CNTNAP2: variants seen among roughly 807,000 people sequenced by gnomAD.
CNTNAP2 encodes the protein contactin associated protein 2.
CNTNAP2 carries 98 observed loss-of-function variants against 155.2 expected under a neutral mutation model. That is an observed-to-expected ratio of 0.63 (90% confidence interval 0.54 to 0.75). CNTNAP2 has a LOEUF of 0.75. Among genes scored for constraint, CNTNAP2 ranks in the 30% least tolerant of loss-of-function variants. The pLI is 0.00. For synonymous variants in CNTNAP2, 651 were observed against 631.2 expected (o/e 1.03, Z -0.47); for missense variants, 1,727 against 1,688.1 (o/e 1.02, Z -0.40).
At chr7:147,185,697 A>T (rs1802550183) in intron 8 of CNTNAP2, among the ~76,000 whole-genome samples, 1 of 152,178 alleles carries the variant, frequency 6.6e-6, no homozygotes, top group Non-Finnish European at 1.5e-5. Flanking sequence ...AATGAGTATA[A>T]AACAAAACAC....
chr7:146,910,341 C>T (rs1428927750), intron 3 of CNTNAP2, among the ~76,000 whole-genome samples: 14 of 150,058 alleles, frequency 9.3e-5, no homozygotes, highest in African/African-American at 1.3e-4. Flanking sequence ...GAGCCCGCAT[C>T]GCCAAGTCAA....
chr7:147,382,447 A>G (rs1436344466), intron 9 of CNTNAP2, among the ~76,000 whole-genome samples: 1 of 152,206 alleles, frequency 6.6e-6, no homozygotes, highest in East Asian at 1.9e-4. Flanking sequence ...CTCTTGATTG[A>G]TTAATATGCA....
intron 1 of CNTNAP2, chr7:146,117,253 G>A (rs1797498567): frequency 2.2e-6 from 1 of 452,808 alleles, no homozygotes; most frequent in Admixed American, 3.4e-5. Context: ...GATGTAGATG[G>A]CAGCTTCTTA....
chr7:147,064,952 A>G (rs1799750999), intron 4 of CNTNAP2, among the ~76,000 whole-genome samples: 1 of 152,178 alleles, frequency 6.6e-6, no homozygotes, highest in South Asian at 2.1e-4. Flanking sequence ...TAACCTGTCC[A>G]AATGAAAAAT....
At chr7:147,666,817 T>C (rs1450351046) in intron 13 of CNTNAP2, among the ~76,000 whole-genome samples, 3 of 152,212 alleles carry the variant, frequency 2.0e-5, no homozygotes, top group Admixed American at 6.5e-5. Context: ...GGAAAATCAG[T>C]AATGGTTATT....
chr7:148,133,101 C>T (rs1804866769), intron 16 of CNTNAP2, among the ~76,000 whole-genome samples: 1 of 152,022 alleles, frequency 6.6e-6, no homozygotes, highest in Non-Finnish European at 1.5e-5. Context: ...ATGTAATCTT[C>T]TTTAAAAATA....
intron 13 of CNTNAP2, among the ~76,000 whole-genome samples, chr7:147,697,939 C>T (rs1796186527): frequency 6.6e-6 from 1 of 152,176 alleles, no homozygotes; most frequent in South Asian, 2.1e-4. Flanking sequence ...TGAGGACCCC[C>T]TATGACTGAG....
intron 1 of CNTNAP2, among the ~76,000 whole-genome samples, chr7:146,388,623 G>C (rs1167288988): frequency 1.3e-5 from 2 of 152,042 alleles, no homozygotes; most frequent in Admixed American, 6.6e-5. Flanking sequence ...ATCACACTCT[G>C]TAAGTTATTT....
At chr7:146,911,974 TAA>T (rs1398807328) in intron 3 of CNTNAP2, among the ~76,000 whole-genome samples, 1 of 152,152 alleles carries the variant, frequency 6.6e-6, no homozygotes, top group Non-Finnish European at 1.5e-5. Flanking sequence ...TTCCTTTGAT[TAA>T]GAGGCATTTT....
intron 2 of CNTNAP2, among the ~76,000 whole-genome samples, chr7:146,799,286 T>A (rs1463918039): frequency 6.6e-6 from 1 of 152,210 alleles, no homozygotes; most frequent in African/African-American, 2.4e-5. Context: ...AAATCTATGG[T>A]AACCCATTTC....
At chr7:147,106,681 C>A (rs1438639235) in intron 4 of CNTNAP2, among the ~76,000 whole-genome samples, 1 of 152,072 alleles carries the variant, frequency 6.6e-6, no homozygotes, top group Non-Finnish European at 1.5e-5. Context: ...TGAAAGCCAT[C>A]AATGATTTGA....
chr7:146,500,542 C>A (rs1285900507), intron 1 of CNTNAP2, among the ~76,000 whole-genome samples: 1 of 151,828 alleles, frequency 6.6e-6, no homozygotes, highest in Non-Finnish European at 1.5e-5. Flanking sequence ...TTTTGGGAGG[C>A]CTGAAGATAT....
intron 9 of CNTNAP2, among the ~76,000 whole-genome samples, chr7:147,353,130 C>T (rs1227558562): frequency 2.0e-5 from 3 of 151,158 alleles, no homozygotes; most frequent in Admixed American, 2.0e-4. Context: ...TATATACATA[C>T]ATATACGTAT....
At chr7:146,607,809 A>T (rs1256823920) in intron 1 of CNTNAP2, among the ~76,000 whole-genome samples, 1 of 151,992 alleles carries the variant, frequency 6.6e-6, no homozygotes, top group African/African-American at 2.4e-5. Flanking sequence ...TCACTTATTA[A>T]CTTGGGATTT....
intron 13 of CNTNAP2, among the ~76,000 whole-genome samples, chr7:147,689,904 C>G (rs148489201): frequency 0.016 from 2,503 of 152,208 alleles, 223 homozygotes; most frequent in Admixed American, 0.15. Context: ...TTTATTTCAG[C>G]AATATTTTCC....
At chr7:146,338,847 C>T (rs1321861474) in intron 1 of CNTNAP2, among the ~76,000 whole-genome samples, 2 of 151,784 alleles carry the variant, frequency 1.3e-5, no homozygotes, top group Non-Finnish European at 2.9e-5. Context: ...ATAGTAACCA[C>T]AAGCAAAATC....
chr7:146,820,338 A>G lies in CNTNAP2; in HGVS notation c.209-19373A>G, dbSNP rs540108558. ...TTTGAGGAATTAATAAAAAAATTAT[A>G]TAGTTAGCAATTGAATATTTAATCT... is the stretch of plus-strand genomic sequence containing the variant. On this transcript the variant is annotated intron_variant, in intron 2 of 23. Coordinates refer to ENST00000361727, the MANE Select transcript of CNTNAP2 (RefSeq NM_014141.6). Among the ~76,000 whole-genome samples, 140 of 152,338 alleles carry G rather than the reference A, an allele frequency of 9.2e-4. 1 individual carries two copies. Among genetic ancestry groups the G allele is most frequent in the African/African-American group, 3.3e-3 (136 of 41,588 alleles).
chr7:147,486,889 C>CTGTGTGTGTGTGTGTG (rs10544219), intron 11 of CNTNAP2, among the ~76,000 whole-genome samples: 7,946 of 146,836 alleles, frequency 0.054, 308 homozygotes, highest in African/African-American at 0.085. Context: ...ACGTATGTGC[C>CTGTGTGTGTGTGTGTG]TGTGTGTGTG....
At chr7:146,600,662 G>A (rs1015546356) in intron 1 of CNTNAP2, among the ~76,000 whole-genome samples, 7 of 152,002 alleles carry the variant, frequency 4.6e-5, no homozygotes, top group African/African-American at 1.7e-4. Flanking sequence ...TACCTTTTTA[G>A]TACTTGTATT....
Sources: allele counts gnomAD v4.1 joint callset (sites outside exome capture counted in the v4.1 genomes callset), GRCh38; gene constraint gnomAD v4.1.1; transcripts MANE v1.5; gene names NCBI Gene and HGNC (gene_info 2026-07-23, HGNC 2026-07-21).